The following LRRC4C variants were observed in gnomAD, a reference collection of about 807,000 sequenced individuals.
LRRC4C encodes leucine-rich repeat-containing protein 4C.
In LRRC4C, 5 loss-of-function variants were observed where a neutral mutation model predicts 33.6. That is an observed-to-expected ratio of 0.15 (90% CI 0.08 to 0.31). The LOEUF (loss-of-function observed/expected upper bound fraction) is 0.31. Among genes scored for constraint, LRRC4C ranks in the 10% least tolerant of loss-of-function variants. LRRC4C has a pLI of 1.00. For synonymous variants in LRRC4C, 329 were observed against 302.0 expected, an observed-to-expected ratio of 1.09 and a Z score of -0.93; for missense variants, 560 against 796.7, an observed-to-expected ratio of 0.70 and a Z score of 3.58.
chr11:40,738,290 A>G (rs971573262), intron 2 of LRRC4C, among the ~76,000 whole-genome samples: 3 of 152,164 alleles, frequency 2.0e-5, no homozygotes, highest in African/African-American at 7.2e-5. Context: ...CTTGGAGTGT[A>G]CCACGATACG....
intron 2 of LRRC4C, among the ~76,000 whole-genome samples, chr11:40,670,538 CA>C (rs1944037134): frequency 6.6e-6 from 1 of 152,112 alleles, no homozygotes; most frequent in Non-Finnish European, 1.5e-5. Context: ...CATTTTTTCC[CA>C]TTTCCTGAAG....
intron 1 of LRRC4C, among the ~76,000 whole-genome samples, chr11:41,392,262 G>A (rs1953628042): frequency 6.6e-6 from 1 of 151,816 alleles, no homozygotes; most frequent in Non-Finnish European, 1.5e-5. Context: ...GCCACGTGGT[G>A]AATTTTCTTG....
intron 1 of LRRC4C, among the ~76,000 whole-genome samples, chr11:40,987,646 T>TC (rs1565274364): frequency 1.7e-5 from 1 of 57,370 alleles, no homozygotes; most frequent in African/African-American, 5.6e-5. Context: ...TATATATATA[T>TC]ATATATCTCA....
intron 3 of LRRC4C, among the ~76,000 whole-genome samples, chr11:40,568,917 G>GGT (rs1957868217): frequency 6.6e-6 from 1 of 152,084 alleles, no homozygotes; most frequent in Non-Finnish European, 1.5e-5. Flanking sequence ...AGGTAAAGGT[G>GGT]GTGCATGATC....
At chr11:40,889,843 T>C (rs1296607641) in intron 2 of LRRC4C, among the ~76,000 whole-genome samples, 1 of 152,128 alleles carries the variant, frequency 6.6e-6, no homozygotes, top group Non-Finnish European at 1.5e-5. Flanking sequence ...AATAATAAGA[T>C]CTACTTCATA....
intron 1 of LRRC4C, among the ~76,000 whole-genome samples, chr11:41,444,848 G>A (rs1462450811): frequency 1.3e-5 from 2 of 149,262 alleles, no homozygotes; most frequent in Non-Finnish European, 3.0e-5. Flanking sequence ...TTGTTGCCCA[G>A]GCTGGAGTGC....
At chr11:40,361,428 G>A (rs1322652356) in intron 3 of LRRC4C, among the ~76,000 whole-genome samples, 2 of 152,140 alleles carry the variant, frequency 1.3e-5, no homozygotes, top group African/African-American at 2.4e-5. Context: ...CAGTCAAGCT[G>A]AGAGCCAAAT....
At chr11:40,947,256 G>A (rs1273166193) in intron 1 of LRRC4C, among the ~76,000 whole-genome samples, 3 of 152,046 alleles carry the variant, frequency 2.0e-5, no homozygotes, top group Admixed American at 1.3e-4. Flanking sequence ...ATTGTAAAAC[G>A]ATGCACAAAT....
intron 4 of LRRC4C, among the ~76,000 whole-genome samples, chr11:40,281,460 C>T (rs904221477): frequency 1.3e-5 from 2 of 152,142 alleles, no homozygotes; most frequent in African/African-American, 2.4e-5. Flanking sequence ...ATCTCTCTCT[C>T]TCTTTCCCCT....
At chr11:41,090,731 A>T (rs1052414658) in intron 1 of LRRC4C, among the ~76,000 whole-genome samples, 3 of 152,048 alleles carry the variant, frequency 2.0e-5, no homozygotes, top group African/African-American at 7.2e-5. Flanking sequence ...TTCCCCTATG[A>T]TGTTCCTGCG....
chr11:40,743,087 A>G (rs571653995), intron 2 of LRRC4C, among the ~76,000 whole-genome samples: 1 of 152,232 alleles, frequency 6.6e-6, no homozygotes, highest in South Asian at 2.1e-4. Flanking sequence ...ATTTGTAAAG[A>G]TAAAAATATT....
chr11:40,322,098 A>G (rs1945875948), intron 3 of LRRC4C, among the ~76,000 whole-genome samples: 1 of 152,152 alleles, frequency 6.6e-6, no homozygotes, highest in Admixed American at 6.5e-5. Flanking sequence ...CGATTCACTA[A>G]ATGTTATACT....
At chr11:40,748,124 T>C (rs779563411) in intron 2 of LRRC4C, among the ~76,000 whole-genome samples, 76 of 152,166 alleles carry the variant, frequency 5.0e-4, no homozygotes, top group Non-Finnish European at 2.8e-4. Context: ...CTGTTTAAAG[T>C]GAAAGACAGA....
intron 3 of LRRC4C, among the ~76,000 whole-genome samples, chr11:40,454,330 A>T (rs1590791649): frequency 6.6e-6 from 1 of 152,206 alleles, no homozygotes; most frequent in South Asian, 2.1e-4. Flanking sequence ...GTACTGTATT[A>T]TCTTTTCAAA....
chr11:40,339,152 A>G (rs143610437), intron 3 of LRRC4C, among the ~76,000 whole-genome samples: 1 of 152,282 alleles, frequency 6.6e-6, no homozygotes, highest in Non-Finnish European at 1.5e-5. Context: ...GGAGTTGGAG[A>G]CTTTAGATTG....
chr11:40,582,439 G>T (rs905340551), intron 3 of LRRC4C, among the ~76,000 whole-genome samples: 17 of 150,162 alleles, frequency 1.1e-4, no homozygotes, highest in African/African-American at 4.2e-4. Context: ...CTCATCCATA[G>T]TCTTTAAAAT....
chr11:40,431,288 G>C (rs183761899), intron 3 of LRRC4C, among the ~76,000 whole-genome samples: 9 of 151,126 alleles, frequency 6.0e-5, no homozygotes, highest in South Asian at 2.1e-4. Flanking sequence ...TTAGCCAGGC[G>C]TGGTGGTGCG....
intron 5 of LRRC4C, among the ~76,000 whole-genome samples, chr11:40,147,249 A>G (rs1857814281): frequency 6.6e-6 from 1 of 152,096 alleles, no homozygotes; most frequent in Non-Finnish European, 1.5e-5. Flanking sequence ...CATCATTACT[A>G]ATCTTAGGCT....
At chr11:41,158,790 G>A (rs1944341619) in intron 1 of LRRC4C, among the ~76,000 whole-genome samples, 1 of 152,006 alleles carries the variant, frequency 6.6e-6, no homozygotes, top group Admixed American at 6.6e-5. Context: ...ACAGCACCAT[G>A]AAACTATCAA....
Sources: gnomAD v4.1 joint callset for allele counts (sites outside exome capture counted in the v4.1 genomes callset) on GRCh38, gnomAD v4.1.1 for gene constraint, MANE v1.5 for transcripts, NCBI Gene and HGNC (gene_info 2026-07-23, HGNC 2026-07-21) for gene names.